SLC35F3: variants seen among roughly 807,000 people sequenced by gnomAD.
SLC35F3 encodes solute carrier family 35 member F3.
A neutral mutation model predicts 49.9 loss-of-function variants in SLC35F3; 25 were observed. That is an observed-to-expected ratio of 0.50 (90% CI 0.37 to 0.70). The LOEUF is 0.70. Among genes scored for constraint, SLC35F3 ranks in the 30% least tolerant of loss-of-function variants. The pLI, the probability that SLC35F3 is intolerant of heterozygous loss-of-function variation, is 0.00. For missense variants in SLC35F3, 525 were observed against 639.8 expected (o/e 0.82, Z 1.94); for synonymous variants, 275 against 265.4 (o/e 1.04, Z -0.35).
intron 2 of SLC35F3, among the ~76,000 whole-genome samples, chr1:234,072,497 A>G (rs1446003226): frequency 6.6e-6 from 1 of 152,222 alleles, no homozygotes; most frequent in Non-Finnish European, 1.5e-5. Context: ...AATATGTAAC[A>G]TGTTAGGTAG....
intron 2 of SLC35F3, among the ~76,000 whole-genome samples, chr1:233,976,232 G>T (rs1663077870): frequency 6.6e-6 from 1 of 151,962 alleles, no homozygotes; most frequent in Non-Finnish European, 1.5e-5. Context: ...ATTTTAAGAT[G>T]GCATGAAAAG....
chr1:234,175,173 T>G (rs1021353113), intron 2 of SLC35F3, among the ~76,000 whole-genome samples: 3 of 152,210 alleles, frequency 2.0e-5, no homozygotes, highest in Admixed American at 1.3e-4. Context: ...TAAATGCCTC[T>G]CACTTCAATG....
chr1:234,055,417 G>T (rs1333921554), intron 2 of SLC35F3, among the ~76,000 whole-genome samples: 1 of 152,196 alleles, frequency 6.6e-6, no homozygotes, highest in Non-Finnish European at 1.5e-5. Context: ...TGCTGTGCTA[G>T]CAGTGAGCAA....
chr1:234,159,546 C>T (rs6677635), intron 2 of SLC35F3, among the ~76,000 whole-genome samples: 20,042 of 151,426 alleles, frequency 0.13, 3,281 homozygotes, highest in East Asian at 0.84. Flanking sequence ...CACTGCACTC[C>T]GTCTCAAAAA....
At chr1:233,917,808 G>C (rs779634180) in intron 2 of SLC35F3, among the ~76,000 whole-genome samples, 8 of 152,184 alleles carry the variant, frequency 5.3e-5, no homozygotes, top group Non-Finnish European at 1.0e-4. Context: ...AATTCATATA[G>C]ATGTGAATGG....
At chr1:233,955,792 T>C (rs1360865065) in intron 2 of SLC35F3, among the ~76,000 whole-genome samples, 1 of 127,548 alleles carries the variant, frequency 7.8e-6, no homozygotes, top group Non-Finnish European at 1.7e-5. Context: ...TGAGACGGAG[T>C]TTTGGTCTTG....
At chr1:234,186,201 C>T (rs914851707) in intron 2 of SLC35F3, among the ~76,000 whole-genome samples, 15 of 152,202 alleles carry the variant, frequency 9.9e-5, no homozygotes, top group African/African-American at 3.6e-4. Context: ...TCCCTGGCAC[C>T]TCATTTGAGG....
chr1:234,157,425 C>T (rs1666170839), intron 2 of SLC35F3, among the ~76,000 whole-genome samples: 1 of 152,226 alleles, frequency 6.6e-6, no homozygotes, highest in East Asian at 1.9e-4. Context: ...CACTAGTGGC[C>T]TGGCGATTAC....
intron 2 of SLC35F3, among the ~76,000 whole-genome samples, chr1:234,153,191 C>G (rs1455164530): frequency 6.6e-6 from 1 of 152,108 alleles, no homozygotes; most frequent in Non-Finnish European, 1.5e-5. Context: ...TTCTGGAAAC[C>G]AAGCTTCAGA....
At chr1:234,187,937 A>G (rs1355705852) in intron 2 of SLC35F3, among the ~76,000 whole-genome samples, 1 of 152,200 alleles carries the variant, frequency 6.6e-6, no homozygotes, top group African/African-American at 2.4e-5. Flanking sequence ...CAGACTCAAC[A>G]GGTGGGGAGG....
chr1:234,109,237 C>T (rs1665369078), intron 2 of SLC35F3, among the ~76,000 whole-genome samples: 1 of 152,190 alleles, frequency 6.6e-6, no homozygotes, highest in Non-Finnish European at 1.5e-5. Flanking sequence ...AAGTAACACT[C>T]CCTGCTAAAG....
chr1:234,222,758 C>A (rs1363523758), intron 2 of SLC35F3, among the ~76,000 whole-genome samples: 3 of 152,190 alleles, frequency 2.0e-5, no homozygotes, highest in African/African-American at 7.2e-5. Context: ...AATTTCAGTC[C>A]ACATAGAAGC....
chr1:234,133,539 G>A (rs1665765079), intron 2 of SLC35F3, among the ~76,000 whole-genome samples: 1 of 152,148 alleles, frequency 6.6e-6, no homozygotes, highest in Non-Finnish European at 1.5e-5. Context: ...GTTAGTGCTG[G>A]CATCACCACT....
chr1:233,991,459 A>G (rs1207256105), intron 2 of SLC35F3, among the ~76,000 whole-genome samples: 1 of 152,154 alleles, frequency 6.6e-6, no homozygotes, highest in Non-Finnish European at 1.5e-5. Flanking sequence ...AAAGAAAAGA[A>G]AAATAAAGAA....
chr1:234,252,111 C>T (rs1049078027), intron 3 of SLC35F3, among the ~76,000 whole-genome samples: 1 of 151,898 alleles, frequency 6.6e-6, no homozygotes, highest in East Asian at 1.9e-4. Context: ...TCTCTGTCTC[C>T]CAAGCTGGAG....
chr1:234,136,838 A>T (rs1665819611), intron 2 of SLC35F3, among the ~76,000 whole-genome samples: 1 of 152,210 alleles, frequency 6.6e-6, no homozygotes, highest in Non-Finnish European at 1.5e-5. Flanking sequence ...CCCAGAGTGG[A>T]TCTCAGAGAT....
intron 2 of SLC35F3, among the ~76,000 whole-genome samples, chr1:234,108,456 ATT>A (rs1399619015): frequency 8.7e-6 from 1 of 114,644 alleles, no homozygotes. Flanking sequence ...GATATATATT[ATT>A]TATATATATA....
At chr1:234,319,024 A>G in intron 6 of SLC35F3, 81 bp downstream of exon 6, 1 of 1,160,666 alleles carries the variant, frequency 8.6e-7, no homozygotes, top group Non-Finnish European at 1.2e-6. Context: ...CCCTGAAGGC[A>G]GAAAACAGTG....
At chr1:233,945,195 C>T (rs1339714127) in intron 2 of SLC35F3, among the ~76,000 whole-genome samples, 1 of 151,690 alleles carries the variant, frequency 6.6e-6, no homozygotes, top group Non-Finnish European at 1.5e-5. Context: ...ATTGATGGAG[C>T]ACCAGTGAAA....
Sources: allele counts gnomAD v4.1 joint callset (sites outside exome capture counted in the v4.1 genomes callset), GRCh38; gene constraint gnomAD v4.1.1; transcripts MANE v1.5; gene names NCBI Gene and HGNC (gene_info 2026-07-23, HGNC 2026-07-21).